The following DOK6 variants were observed in gnomAD, a reference collection of about 807,000 sequenced individuals.
DOK6 encodes the protein docking protein 6.
A neutral mutation model predicts 44.0 loss-of-function variants in DOK6; 22 were observed. That is an observed-to-expected ratio of 0.50 (90% CI 0.36 to 0.71). DOK6 has a LOEUF of 0.71. DOK6 is among the 30% of genes least tolerant of loss of function. The pLI, the probability that DOK6 is intolerant of heterozygous loss-of-function variation, is 0.00. For missense variants in DOK6, 340 were observed against 416.4 expected (o/e 0.82, Z 1.60); for synonymous variants, 166 against 145.5 (o/e 1.14, Z -1.01).
At chr18:69,459,237 G>A (rs943145257) in intron 1 of DOK6, among the ~76,000 whole-genome samples, 2 of 146,624 alleles carry the variant, frequency 1.4e-5, no homozygotes, top group Non-Finnish European at 3.0e-5. Flanking sequence ...GTGTGTGAAG[G>A]TGCCACGTAA....
Position 69,568,054 on chromosome 18 carries a change from C to T in DOK6, c.174+3460C>T, listed in dbSNP as rs114916909. Among the ~76,000 whole-genome samples the T allele has an allele frequency of 6.2e-3, 939 of 152,288 alleles. 9 individuals are homozygous for T. Among genetic ancestry groups the T allele is most frequent in the African/African-American group, 0.021 (868 of 41,558 alleles). On this transcript the variant is annotated intron_variant, in intron 2 of 7. Transcript: ENST00000382713. ...TCCCCGCGGCCTGCCTTCAGGCAAC[C>T]GGCTCTCCCTTACAGAGTCAGCAAC...
intron 1 of DOK6, among the ~76,000 whole-genome samples, chr18:69,443,717 C>G (rs1056052955): frequency 6.6e-6 from 1 of 152,138 alleles, no homozygotes; most frequent in Non-Finnish European, 1.5e-5. Flanking sequence ...ATGCTCTATC[C>G]ACAAGGAATT....
At chr18:69,506,028 T>C (rs181099539) in intron 1 of DOK6, among the ~76,000 whole-genome samples, 1 of 152,062 alleles carries the variant, frequency 6.6e-6, no homozygotes, top group African/African-American at 2.4e-5. Context: ...AAATAATGAA[T>C]GTAAAGGTCT....
chr18:69,665,138 G>A (rs926143120), intron 3 of DOK6, among the ~76,000 whole-genome samples: 20 of 151,874 alleles, frequency 1.3e-4, no homozygotes, highest in Non-Finnish European at 1.9e-4. Flanking sequence ...CCGAGATTGT[G>A]CCACTGTACT....
chr18:69,703,058 A>G (rs1388942335), intron 5 of DOK6, among the ~76,000 whole-genome samples: 4 of 152,330 alleles, frequency 2.6e-5, no homozygotes, highest in African/African-American at 4.8e-5. Context: ...GGGGGAAAAA[A>G]AAAAAGCAGA....
At chr18:69,723,018 A>G (rs1302985149) in intron 5 of DOK6, among the ~76,000 whole-genome samples, 3 of 152,246 alleles carry the variant, frequency 2.0e-5, no homozygotes, top group Non-Finnish European at 4.4e-5. Context: ...CAAATGCAAA[A>G]TCAGAAACTA....
intron 7 of DOK6, among the ~76,000 whole-genome samples, chr18:69,809,665 CAA>C (rs1007814758): frequency 1.3e-5 from 2 of 150,254 alleles, no homozygotes; most frequent in African/African-American, 4.9e-5. Context: ...GATACAAAAT[CAA>C]AAGTCAGTAG....
chr18:69,708,733 G>A (rs1020606522), intron 5 of DOK6, among the ~76,000 whole-genome samples: 4 of 144,350 alleles, frequency 2.8e-5, no homozygotes, highest in Middle Eastern at 3.9e-3. Context: ...GCAGTGAGCC[G>A]AGATCACGCC....
chr18:69,632,936 C>T (rs1984722648), intron 3 of DOK6, among the ~76,000 whole-genome samples: 1 of 152,116 alleles, frequency 6.6e-6, no homozygotes, highest in Non-Finnish European at 1.5e-5. Context: ...GATCAGACAC[C>T]ATCCTCTGTG....
At chr18:69,555,057 T>A (rs375512221) in intron 1 of DOK6, among the ~76,000 whole-genome samples, 1 of 152,212 alleles carries the variant, frequency 6.6e-6, no homozygotes, top group East Asian at 1.9e-4. Context: ...TATCTTCTAA[T>A]CAATTCCTTG....
intron 1 of DOK6, among the ~76,000 whole-genome samples, chr18:69,524,892 T>G (rs1008817846): frequency 6.6e-6 from 1 of 151,862 alleles, no homozygotes; most frequent in South Asian, 2.1e-4. Flanking sequence ...ATTGGACAAG[T>G]CGACTTTAAT....
chr18:69,413,899 A>G (rs1290091242), intron 1 of DOK6, among the ~76,000 whole-genome samples: 1 of 151,882 alleles, frequency 6.6e-6, no homozygotes, highest in Non-Finnish European at 1.5e-5. Flanking sequence ...GTAAATTTTT[A>G]AAAAACCATA....
chr18:69,401,164 C>G lies in DOK6; in HGVS notation c.-81C>G, dbSNP rs1916088033. On this transcript the variant is annotated 5_prime_UTR_variant, in exon 1 of 8. Coordinates refer to ENST00000382713, the MANE Select transcript of DOK6 (RefSeq NM_152721.6). The stretch of plus-strand genomic sequence containing the variant: ...TGGCGGCGGCCGGCTGGATGCGAGA[C>G]CCGCGCAGACCCGGCGGCGGACGGC... 7.2e-7 allele frequency: 1 copy of G among 1,385,976 alleles called. No homozygotes were observed. Among genetic ancestry groups the G allele is most frequent in the South Asian group, 1.6e-5 (1 of 63,896 alleles). The allele number at this position is 1,385,976 out of a possible 1,614,324, so 85.9% of individuals were successfully genotyped here. A position where few individuals can be genotyped will look rare whatever the true frequency, so the allele number is the denominator to read the frequency against.
chr18:69,579,007 C>T (rs12232589), intron 2 of DOK6, among the ~76,000 whole-genome samples: 46,705 of 151,938 alleles, frequency 0.31, 7,526 homozygotes, highest in East Asian at 0.56. Context: ...TTTTAATTGA[C>T]CTTTGAAGTA....
chr18:69,459,224 T>C (rs1568264954), intron 1 of DOK6, among the ~76,000 whole-genome samples: 1 of 145,802 alleles, frequency 6.9e-6, no homozygotes, highest in Non-Finnish European at 1.5e-5. Flanking sequence ...TGTGTGTGTG[T>C]GTGTGTGTGA....
chr18:69,441,687 ATTC>A (rs1378141408), intron 1 of DOK6, among the ~76,000 whole-genome samples: 2 of 152,182 alleles, frequency 1.3e-5, no homozygotes, highest in African/African-American at 4.8e-5. Flanking sequence ...CTGAAAATGT[ATTC>A]TTCTTTTTTA....
At chr18:69,483,320 T>C (rs781332226) in intron 1 of DOK6, among the ~76,000 whole-genome samples, 4 of 152,014 alleles carry the variant, frequency 2.6e-5, no homozygotes, top group Non-Finnish European at 4.4e-5. Flanking sequence ...CTAGTATTCC[T>C]ATACACCAAC....
chr18:69,698,606 G>A lies in DOK6; in HGVS notation c.599+13G>A. The A allele has an allele frequency of 6.2e-7, 1 of 1,610,206 alleles. No individual in the cohort carries two copies. Among genetic ancestry groups the A allele is most frequent in the Non-Finnish European group, 8.5e-7 (1 of 1,178,416 alleles). On this transcript the variant is annotated intron_variant, in intron 5 of 7. Coordinates refer to ENST00000382713, the MANE Select transcript of DOK6 (RefSeq NM_152721.6). ...TTGAGTCAGGAAGGTAAGATCTAGTGCAGCAGCCAAGTGCAGGAGTTGTCT... is the reference window on the plus strand; with the variant it reads ...TTGAGTCAGGAAGGTAAGATCTAGTACAGCAGCCAAGTGCAGGAGTTGTCT...
intron 1 of DOK6, among the ~76,000 whole-genome samples, chr18:69,483,351 A>G (rs1038974381): frequency 2.0e-5 from 3 of 152,028 alleles, no homozygotes; most frequent in Non-Finnish European, 4.4e-5. Context: ...CTGAGAGCCA[A>G]ATCAGGAATG....
Sources: gnomAD v4.1 joint callset for allele counts (sites outside exome capture counted in the v4.1 genomes callset) on GRCh38, gnomAD v4.1.1 for gene constraint, MANE v1.5 for transcripts, NCBI Gene and HGNC (gene_info 2026-07-23, HGNC 2026-07-21) for gene names.